The following RRP12 variants were observed in gnomAD, a reference collection of about 807,000 sequenced individuals.
RRP12 encodes the protein RRP12-like protein.
In RRP12, 78 loss-of-function variants were observed where a neutral mutation model predicts 157.3. The observed-to-expected ratio is 0.50, with a 90% CI of 0.41 to 0.60. RRP12 has a LOEUF of 0.60. Ranked by LOEUF, RRP12 falls within the 20% of genes least tolerant of loss-of-function variation. The probability of loss-of-function intolerance (pLI) is 0.00; values close to 1 mark genes in which losing one functional copy is unlikely to be tolerated. For missense variants in RRP12, 1,521 were observed against 1,679.9 expected (o/e 0.91, Z 1.65); for synonymous variants, 726 against 670.9 (o/e 1.08, Z -1.27).
Position 97,374,782 on chromosome 10 carries a change from A to G in RRP12, c.1799-888T>C, listed in dbSNP as rs969205082. Reference sequence around the variant, plus strand: ...GCGAGACTCTGTCTCAAAAAAAAAAAAAAAAAACCATAGGGAGGAATATAC... The same window carrying G: ...GCGAGACTCTGTCTCAAAAAAAAAAGAAAAAAACCATAGGGAGGAATATAC... On this transcript the variant is annotated intron_variant, in intron 15 of 33. Coordinates refer to ENST00000370992, the MANE Select transcript of RRP12 (RefSeq NM_015179.4). 2.0e-5 allele frequency among the ~76,000 whole-genome samples: 3 copies of G among 151,690 alleles called. No homozygotes were observed. The South Asian group carries it at 6.2e-4, about 31-fold the overall frequency.
Position 97,400,340 on chromosome 10 carries a change from G to A in RRP12, c.334C>T (p.Arg112Cys). ...CTNVTFSKVQ[R>C]FWESNSAAHK... is the part of the protein sequence containing the mutation. Reference sequence around the variant, plus strand: ...GCAGCCGAGTTGGACTCCCAGAAGCGCTGTACTTTGCTGAAGGTGACGTTT... The same window carrying A: ...GCAGCCGAGTTGGACTCCCAGAAGCACTGTACTTTGCTGAAGGTGACGTTT... The change falls in exon 2 of 34, where the codon CGC becomes TGC. Residue 112 changes from arginine (R) to cysteine (C), a missense_variant. Transcript: ENST00000370992. 2 of 1,613,866 alleles carry A rather than the reference G, an allele frequency of 1.2e-6. No homozygotes were observed. Among genetic ancestry groups the A allele is most frequent in the Non-Finnish European group, 1.7e-6 (2 of 1,180,000 alleles).
chr10:97,379,141 C>G (rs2133064309), intron 15 of RRP12, 152 bp downstream of exon 15: 2 of 905,034 alleles, frequency 2.2e-6, no homozygotes, highest in Non-Finnish European at 3.4e-6. Context: ...ACAGGCACTC[C>G]AGCACTGGCT....
At chr10:97,358,721 T>C in intron 32 of RRP12, 102 bp from the exon 33 acceptor site, 1 of 964,204 alleles carries the variant, frequency 1.0e-6, no homozygotes. Flanking sequence ...TCCTCTGCCT[T>C]AGGTGGTGCC....
chr10:97,364,652 G>C (rs1843925817), intron 29 of RRP12, among the ~76,000 whole-genome samples: 1 of 152,352 alleles, frequency 6.6e-6, no homozygotes. Context: ...AGGACATGGA[G>C]ACTGCAGTGA....
chr10:97,386,773 G>A (rs931891148), intron 8 of RRP12, among the ~76,000 whole-genome samples: 1 of 152,160 alleles, frequency 6.6e-6, no homozygotes, highest in African/African-American at 2.4e-5. Flanking sequence ...AGTGGATCAC[G>A]AGGCCAGGAG....
At position 97,371,010 on chromosome 10, in the gene RRP12, G is replaced by A. The variant is rs61737892; in HGVS notation, c.2415C>T (p.Pro805=). 3.0e-5 allele frequency: 48 copies of A among 1,613,846 alleles called. No individual in the cohort carries two copies. In the African/African-American group the frequency reaches 4.0e-4, roughly 13 times the overall value. ...GGTGGCTCTGCACGAAGAGGGCCCC[G>A]GGGCCCTGAGGACTGGCACACACCT... The part of the protein sequence containing the change: ...LEEVCASPQG[P]GALFVQSHLE... Residue 805 remains proline (P), a synonymous_variant, in exon 21 of 34, where the codon CCC becomes CCT. Transcript: ENST00000370992.
At chr10:97,371,530 T>C (rs1844154502) in intron 20 of RRP12, 2 of 206,048 alleles carry the variant, frequency 9.7e-6, no homozygotes, top group South Asian at 1.7e-4. Flanking sequence ...CATGTCCACC[T>C]GCAGTGCTGC....
chr10:97,399,040 G>A (rs1296632072), intron 2 of RRP12, among the ~76,000 whole-genome samples: 3 of 152,070 alleles, frequency 2.0e-5, no homozygotes, highest in Admixed American at 1.3e-4. Context: ...TTAGGAGGCC[G>A]AGGCGGGTGG....
chr10:97,379,327 G>A lies in RRP12; in HGVS notation c.1764C>T (p.Tyr588=). Residue 588 remains tyrosine (Y), a synonymous_variant, in exon 15 of 34, where the codon TAC becomes TAT. Coordinates refer to ENST00000370992, the MANE Select transcript of RRP12 (RefSeq NM_015179.4). ...TCAGGGTGTTAGCCAGGGGCAAGAAGTAGGTGGTGAAAAAACCAAGTCGCG... is the reference window on the plus strand; with the variant it reads ...TCAGGGTGTTAGCCAGGGGCAAGAAATAGGTGGTGAAAAAACCAAGTCGCG... ...QETRLGFFTT[Y]FLPLANTLKS... 6.2e-7 allele frequency: 1 copy of A among 1,614,180 alleles called. No individual in the cohort carries two copies. The highest frequency in any genetic ancestry group is 8.5e-7 in the Non-Finnish European group (1 of 1,179,994).
Position 97,401,152 on chromosome 10 carries a change from T to C in RRP12, c.80A>G (p.Asn27Ser), listed in dbSNP as rs948732852. 1.9e-6 allele frequency: 3 copies of C among 1,613,814 alleles called. No homozygotes were observed. Among genetic ancestry groups the C allele is most frequent in the Admixed American group, 3.3e-5 (2 of 59,966 alleles). The change falls in exon 1 of 34, where the codon AAC becomes AGC. Residue 27 changes from asparagine (N) to serine (S), a missense_variant. Physicochemically the swap from Asn to Ser is conservative, Grantham distance 46. Coordinates refer to ENST00000370992, the MANE Select transcript of RRP12 (RefSeq NM_015179.4). ...CTGACGGTGGCGGCAGATGGCGGGG[T>C]TGCTGTCGCTGCTGTGGCCTTTCTT... ...RWKKGHSSDS[N>S]PAICRHRQAA...
In RRP12 at chr10:97,401,215, T is replaced by C. The variant is rs754709148; in HGVS notation, c.17A>G (p.Lys6Arg). 1.7e-5 allele frequency: 28 copies of C among 1,614,050 alleles called. No individual in the cohort carries two copies. The highest frequency in any genetic ancestry group is 3.3e-5 in the Admixed American group (2 of 59,990). The change falls in exon 1 of 34, where the codon AAG (lysine) becomes AGG (arginine). Residue 6 changes from lysine to arginine, a missense_variant. Lys to Arg is a conservative substitution (Grantham distance 26, BLOSUM62 2). Coordinates refer to ENST00000370992, the MANE Select transcript of RRP12 (RefSeq NM_015179.4). The part of the protein sequence containing the change: MGRSG[K>R]LPSGVSAKLK... ...CTTAGCTGAGACACCAGAAGGCAAC[T>C]TTCCCGAGCGACCCATGTTGACTAA...
rs57212325 is a variant in RRP12 at position 97,377,844 on chromosome 10, C to CAA, written c.1798+1447_1798+1448dup. Among the ~76,000 whole-genome samples the CAA allele has an allele frequency of 2.1e-4, 10 of 48,710 alleles. 1 individual carries two copies. Among genetic ancestry groups the CAA allele is most frequent in the East Asian group, 6.1e-4 (1 of 1,632 alleles). 32.0% of individuals were successfully genotyped at this position (48,710 alleles called of 152,430 possible). ...GGGTGACAAGAGCAAGACTTCATCT[C>CAA]AAAAAAAAAAAAAAAAAGAAAAAAA... On this transcript the variant is annotated intron_variant, in intron 15 of 33. Coordinates refer to ENST00000370992, the MANE Select transcript of RRP12 (RefSeq NM_015179.4).
chr10:97,400,575 T>A, intron 1 of RRP12, 41 bp from the exon 2 acceptor site: 1 of 1,543,366 alleles, frequency 6.5e-7, no homozygotes, highest in Non-Finnish European at 8.9e-7. Context: ...AGCCTCCTTT[T>A]GGTCAAGAGA....
chr10:97,360,476 C>T, intron 31 of RRP12, 70 bp downstream of exon 31: 1 of 1,297,236 alleles, frequency 7.7e-7, no homozygotes, highest in Admixed American at 1.7e-5. Context: ...CCACCCCTTC[C>T]TGTGACTCCC....
intron 25 of RRP12, among the ~76,000 whole-genome samples, chr10:97,368,260 G>A (rs1589415996): frequency 2.6e-5 from 4 of 151,462 alleles, no homozygotes; most frequent in Admixed American, 1.3e-4. Context: ...TCGAATTCCT[G>A]ACCTCAAGTG....
chr10:97,359,914 C>T (rs1014801615), intron 31 of RRP12, among the ~76,000 whole-genome samples: 1 of 152,220 alleles, frequency 6.6e-6, no homozygotes, highest in African/African-American at 2.4e-5. Context: ...GAGGACACAC[C>T]AGCTACTGGA....
intron 30 of RRP12, 21 bp downstream of exon 30, chr10:97,363,833 C>T: frequency 6.2e-7 from 1 of 1,609,522 alleles, no homozygotes; most frequent in Non-Finnish European, 8.5e-7. Flanking sequence ...CCCTAGCCCC[C>T]CATCTGCAGG....
intron 13 of RRP12, 65 bp from the exon 14 acceptor site, chr10:97,379,835 C>G: frequency 6.6e-7 from 1 of 1,506,884 alleles, no homozygotes; most frequent in Non-Finnish European, 8.9e-7. Context: ...TGACAAGACC[C>G]CGCTGAACGA....
chr10:97,389,935 A>C (rs2133087100), intron 6 of RRP12, among the ~76,000 whole-genome samples: 1 of 151,642 alleles, frequency 6.6e-6, no homozygotes, highest in South Asian at 2.1e-4. Flanking sequence ...CTGGTTTCAA[A>C]CTCCCGACCT....
Sources: gnomAD v4.1 joint callset for allele counts (sites outside exome capture counted in the v4.1 genomes callset) on GRCh38, gnomAD v4.1.1 for gene constraint, MANE v1.5 for transcripts, NCBI Gene and HGNC (gene_info 2026-07-23, HGNC 2026-07-21) for gene names.